MSRA: variants seen among roughly 807,000 people sequenced by gnomAD.
MSRA encodes methionine sulfoxide reductase A.
A neutral mutation model predicts 31.3 loss-of-function variants in MSRA; 54 were observed. The observed-to-expected ratio is 1.73, with a 90% CI of 1.39 to 2.17. The LOEUF is 2.17. Ranked by LOEUF, MSRA falls within the 30% of genes most tolerant of loss-of-function variation. The pLI is 0.00. For missense variants in MSRA, 507 were observed against 300.9 expected (o/e 1.69, Z -5.07); for synonymous variants, 169 against 116.5 (o/e 1.45, Z -2.90).
At chr8:10,337,505 C>A in intron 5 of MSRA, 2 of 561,016 alleles carry the variant, frequency 3.6e-6, no homozygotes, top group Non-Finnish European at 6.3e-6. Flanking sequence ...TAAGATGAAT[C>A]CAAAAAGACT....
At chr8:10,200,501 C>T (rs1481320886) in intron 1 of MSRA, among the ~76,000 whole-genome samples, 2 of 152,130 alleles carry the variant, frequency 1.3e-5, no homozygotes, top group African/African-American at 4.8e-5. Flanking sequence ...TGGGGGACTC[C>T]CTGCCTTGCT....
intron 4 of MSRA, among the ~76,000 whole-genome samples, chr8:10,304,267 G>A (rs2129127184): frequency 6.6e-6 from 1 of 152,280 alleles, no homozygotes; most frequent in African/African-American, 2.4e-5. Flanking sequence ...AAGGCATCTG[G>A]GATACGCACG....
intron 2 of MSRA, among the ~76,000 whole-genome samples, chr8:10,241,601 A>C (rs919491789): frequency 7.9e-5 from 12 of 152,206 alleles, no homozygotes; most frequent in Admixed American, 7.9e-4. Context: ...ATTATAAGGT[A>C]TGAAAATGAA....
At chr8:10,383,984 T>C (rs1198544052) in intron 5 of MSRA, among the ~76,000 whole-genome samples, 1 of 152,126 alleles carries the variant, frequency 6.6e-6, no homozygotes, top group Non-Finnish European at 1.5e-5. Flanking sequence ...GCAGCCACAT[T>C]CACGTTCTGA....
Position 10,207,892 on chromosome 8 carries a change from G to A in MSRA, c.202G>A (p.Ala68Thr). 1.9e-6 allele frequency: 3 copies of A among 1,611,522 alleles called. No individual in the cohort carries two copies. Among genetic ancestry groups the A allele is most frequent in the Non-Finnish European group, 2.5e-6 (3 of 1,178,488 alleles). The change falls in exon 2 of 6, where the codon GCT (alanine) becomes ACT (threonine). Residue 68 changes from alanine to threonine, a missense_variant. Ala to Thr is a moderately conservative substitution (Grantham distance 58). Transcript: ENST00000317173. ...VEPFPEGTQMAVFGMGCFWGA... is the reference protein window; with the variant it reads ...VEPFPEGTQMTVFGMGCFWGA... The stretch of plus-strand genomic sequence containing the variant: ...ACCTTTCCCAGAGGGAACACAGATG[G>A]CTGTATTTGGTAAGATATCAATTCT...
At chr8:10,238,720 T>G (rs376598323) in intron 2 of MSRA, among the ~76,000 whole-genome samples, 1 of 152,140 alleles carries the variant, frequency 6.6e-6, no homozygotes, top group African/African-American at 2.4e-5. Flanking sequence ...TGGAAAAAAG[T>G]AAACTGAATC....
At chr8:10,330,206 T>TATACACAC (rs145118249) in intron 5 of MSRA, among the ~76,000 whole-genome samples, 1 of 148,146 alleles carries the variant, frequency 6.8e-6, no homozygotes, top group East Asian at 2.0e-4. Flanking sequence ...AAATGTGATA[T>TATACACAC]ACACACACAC....
At chr8:10,305,525 TG>T (rs1380309974) in intron 4 of MSRA, among the ~76,000 whole-genome samples, 2 of 151,208 alleles carry the variant, frequency 1.3e-5, no homozygotes, top group African/African-American at 4.9e-5. Flanking sequence ...GTGATTCTCC[TG>T]CCTCAGCCTC....
At chr8:10,240,542 A>G (rs898309991) in intron 2 of MSRA, among the ~76,000 whole-genome samples, 6 of 152,022 alleles carry the variant, frequency 3.9e-5, no homozygotes, top group Admixed American at 3.9e-4. Context: ...TTCATGCTGC[A>G]TACTCACTCC....
At chr8:10,257,260 C>G (rs74414129) in intron 3 of MSRA, among the ~76,000 whole-genome samples, 1 of 152,040 alleles carries the variant, frequency 6.6e-6, no homozygotes, top group Non-Finnish European at 1.5e-5. Context: ...ATGACAGGCC[C>G]TCTCCGTCTC....
chr8:10,114,445 T>G (rs1800528667), intron 1 of MSRA, among the ~76,000 whole-genome samples: 1 of 152,240 alleles, frequency 6.6e-6, no homozygotes, highest in Non-Finnish European at 1.5e-5. Context: ...CATTTTACTT[T>G]GCTACCAATA....
In MSRA at chr8:10,335,030, C is replaced by T. The variant is rs563623510; in HGVS notation, c.543+15041C>T. 2.6e-5 allele frequency among the ~76,000 whole-genome samples: 4 copies of T among 152,332 alleles called. No homozygotes were observed. The South Asian group carries it at 8.3e-4, about 32-fold the overall frequency. On this transcript the variant is annotated intron_variant, in intron 5 of 5. Transcript: ENST00000317173. Reference sequence around the variant, plus strand: ...TGTCCTTAGGTCTAGTGCCCTGCGCCATGGCCCCGTGCAGGTAGAGGCCTG... The same window carrying T: ...TGTCCTTAGGTCTAGTGCCCTGCGCTATGGCCCCGTGCAGGTAGAGGCCTG...
intron 2 of MSRA, among the ~76,000 whole-genome samples, chr8:10,234,273 G>A (rs1401660651): frequency 6.6e-6 from 1 of 152,074 alleles, no homozygotes; most frequent in Non-Finnish European, 1.5e-5. Context: ...ATAACCCTCT[G>A]TGTGTGTGTT....
intron 5 of MSRA, among the ~76,000 whole-genome samples, chr8:10,367,425 C>G (rs1393979605): frequency 2.6e-5 from 4 of 152,036 alleles, no homozygotes; most frequent in Non-Finnish European, 4.4e-5. Context: ...ATATAGGGTC[C>G]CATATCCTCT....
chr8:10,293,518 C>T (rs188623510), intron 3 of MSRA, among the ~76,000 whole-genome samples: 1 of 152,316 alleles, frequency 6.6e-6, no homozygotes, highest in East Asian at 1.9e-4. Flanking sequence ...TTAGCCTGGG[C>T]CTCAGTCCAG....
chr8:10,169,938 G>A (rs1200738430), intron 1 of MSRA, among the ~76,000 whole-genome samples: 7 of 135,976 alleles, frequency 5.1e-5, no homozygotes, highest in South Asian at 2.3e-4. Flanking sequence ...TTTTTGAGAC[G>A]GAGTTTCACT....
At chr8:10,395,360 G>T (rs2129181498) in intron 5 of MSRA, among the ~76,000 whole-genome samples, 1 of 152,292 alleles carries the variant, frequency 6.6e-6, no homozygotes, top group African/African-American at 2.4e-5. Context: ...GAACCGCCAT[G>T]TTCACTAAGG....
intron 5 of MSRA, among the ~76,000 whole-genome samples, chr8:10,409,015 G>A (rs1263025046): frequency 6.6e-6 from 1 of 152,226 alleles, no homozygotes; most frequent in Admixed American, 6.5e-5. Flanking sequence ...AGTGTGTAGT[G>A]CTGTAATACA....
chr8:10,120,408 C>T (rs6983332), intron 1 of MSRA, among the ~76,000 whole-genome samples: 75,941 of 152,000 alleles, frequency 0.5, 20,002 homozygotes, highest in East Asian at 0.95. Flanking sequence ...TGTCTGGTTT[C>T]TGACACTGGC....
Sources: allele counts gnomAD v4.1 joint callset (sites outside exome capture counted in the v4.1 genomes callset), GRCh38; gene constraint gnomAD v4.1.1; transcripts MANE v1.5; gene names NCBI Gene and HGNC (gene_info 2026-07-23, HGNC 2026-07-21).